The following ARHGAP42 variants were observed in gnomAD, a reference collection of about 807,000 sequenced individuals.
ARHGAP42 encodes the protein rho GTPase-activating protein 42.
In ARHGAP42, 63 loss-of-function variants were observed where a neutral mutation model predicts 125.0. The observed-to-expected ratio is 0.50, with a 90% CI of 0.41 to 0.62. The LOEUF (loss-of-function observed/expected upper bound fraction) is 0.62. Ranked by LOEUF, ARHGAP42 falls within the 20% of genes least tolerant of loss-of-function variation. ARHGAP42 has a pLI of 0.00. For missense variants in ARHGAP42, 766 were observed against 1,024.2 expected, an observed-to-expected ratio of 0.75 and a Z score of 3.44; for synonymous variants, 339 against 351.0, an observed-to-expected ratio of 0.97 and a Z score of 0.38.
chr11:100,747,432 A>G (rs976888425), intron 1 of ARHGAP42, among the ~76,000 whole-genome samples: 6 of 152,204 alleles, frequency 3.9e-5, no homozygotes, highest in African/African-American at 1.4e-4. Context: ...TCTGACCATA[A>G]GGTAAGATTT....
intron 17 of ARHGAP42, among the ~76,000 whole-genome samples, chr11:100,967,475 C>A (rs984527075): frequency 9.2e-5 from 14 of 151,970 alleles, no homozygotes; most frequent in African/African-American, 3.4e-4. Flanking sequence ...AAACGAAAAC[C>A]TTTTGATTTT....
chr11:100,859,561 A>G lies in ARHGAP42; in HGVS notation c.320A>G (p.Asn107Ser). The G allele has an allele frequency of 6.6e-7, 1 of 1,523,186 alleles. No individual in the cohort carries two copies. Among genetic ancestry groups the G allele is most frequent in the South Asian group, 1.3e-5 (1 of 77,318 alleles). The allele number at this position is 1,523,186 out of a possible 1,614,324, so 94.4% of individuals were successfully genotyped here. A position where few individuals can be genotyped will look rare whatever the true frequency, so the allele number is the denominator to read the frequency against. ...GTGCATTTTTTATTTCAGATCCAAA[A>G]CGCTAACGATGTATTAATTGCACCA... ...VEEERRRLIQNANDVLIAPLE... is the reference protein window; with the variant it reads ...VEEERRRLIQSANDVLIAPLE... The change falls in exon 4 of 24, where the codon AAC (asparagine) becomes AGC (serine). Residue 107 changes from asparagine to serine, a missense_variant. Physicochemically the swap from Asn to Ser is conservative, Grantham distance 46 (BLOSUM62 1). Coordinates refer to ENST00000298815, the MANE Select transcript of ARHGAP42 (RefSeq NM_152432.4).
At chr11:100,922,518 G>A (rs555906214) in intron 6 of ARHGAP42, among the ~76,000 whole-genome samples, 5 of 152,118 alleles carry the variant, frequency 3.3e-5, no homozygotes, top group Non-Finnish European at 4.4e-5. Context: ...CATGAGATCA[G>A]AGGATAGGGT....
intron 1 of ARHGAP42, among the ~76,000 whole-genome samples, chr11:100,758,693 TCTTA>T (rs1862630239): frequency 6.6e-6 from 1 of 152,194 alleles, no homozygotes; most frequent in Non-Finnish European, 1.5e-5. Context: ...TTTATCAAGC[TCTTA>T]CTATGTGCTG....
At chr11:100,799,709 T>C (rs1863807140) in intron 3 of ARHGAP42, among the ~76,000 whole-genome samples, 1 of 152,230 alleles carries the variant, frequency 6.6e-6, no homozygotes, top group Non-Finnish European at 1.5e-5. Flanking sequence ...ACCATAGTTA[T>C]AATTCTAGAA....
Position 100,949,920 on chromosome 11 carries a change from T to C in ARHGAP42, c.1126T>C (p.Tyr376His). Reference protein sequence around the residue: ...LEAMDGKEPIYTLPAIISKKE... With the variant: ...LEAMDGKEPIHTLPAIISKKE... ...ATGGACATCCTTTGTTTTTTAGATT[T>C]ATACTCTGCCTGCCATTATAAGCAA... Residue 376 changes from tyrosine to histidine, a missense_variant, in exon 12 of 24, where the codon TAT becomes CAT. Physicochemically the swap from Tyr to His is moderately conservative, Grantham distance 83 (BLOSUM62 2). Transcript: ENST00000298815. The C allele has an allele frequency of 6.8e-7, 1 of 1,477,326 alleles. No homozygotes were observed. The highest frequency in any genetic ancestry group is 9.2e-7 in the Non-Finnish European group (1 of 1,089,170). The allele number at this position is 1,477,326 out of a possible 1,614,324, so 91.5% of individuals were successfully genotyped here.
chr11:100,761,797 G>T (rs1384385628), intron 1 of ARHGAP42, among the ~76,000 whole-genome samples: 2 of 152,134 alleles, frequency 1.3e-5, no homozygotes, highest in African/African-American at 4.8e-5. Context: ...ATAAATAATG[G>T]TTTAATAGTT....
Position 100,722,663 on chromosome 11 carries a change from A to G in ARHGAP42, c.154+34831A>G, listed in dbSNP as rs1262188096. Among the ~76,000 whole-genome samples, 3 of 152,208 alleles carry G rather than the reference A, an allele frequency of 2.0e-5. No individual in the cohort carries two copies. In the East Asian group the frequency reaches 5.8e-4, roughly 29 times the overall value. On this transcript the variant is annotated intron_variant, in intron 1 of 23. Transcript: ENST00000298815. ...CTTGGCCTCCTAAAATGCTGGGATT[A>G]CAGGCGCAAGCCACCGCGCAAATTT... is the stretch of plus-strand genomic sequence containing the variant.
rs199984732 is a variant in ARHGAP42 at position 100,818,756 on chromosome 11, TTTTG to T, written c.312+23618_312+23621del. 9.5e-4 allele frequency among the ~76,000 whole-genome samples: 144 copies of T among 152,186 alleles called. 1 individual carries two copies. The highest frequency in any genetic ancestry group is 6.2e-3 in the East Asian group (32 of 5,180). On this transcript the variant is annotated intron_variant, in intron 3 of 23. Coordinates refer to ENST00000298815, the MANE Select transcript of ARHGAP42 (RefSeq NM_152432.4). ...GTGGTACGGTGTATTTTTTCTCTGT[TTTTG>T]TTTGTTTGTTTGTTTGTTTGTTTGT...
At position 100,815,038 on chromosome 11, in the gene ARHGAP42, C is replaced by T. The variant is rs11224465; in HGVS notation, c.312+19872C>T. ...CTTGGGCCCTCTAAAACAAGTGCTC[C>T]CTCTTATGGTGTCCAGTACTTTTTC... On this transcript the variant is annotated intron_variant, in intron 3 of 23. Coordinates refer to ENST00000298815, the MANE Select transcript of ARHGAP42 (RefSeq NM_152432.4). Among the ~76,000 whole-genome samples, 431 of 152,292 alleles carry T rather than the reference C, an allele frequency of 2.8e-3. 2 individuals are homozygous for T. Among genetic ancestry groups the T allele is most frequent in the African/African-American group, 0.01 (417 of 41,556 alleles).
intron 1 of ARHGAP42, among the ~76,000 whole-genome samples, chr11:100,708,342 T>C (rs1469749206): frequency 6.6e-6 from 1 of 151,984 alleles, no homozygotes; most frequent in Non-Finnish European, 1.5e-5. Context: ...CGAGACCCCA[T>C]CTCTACAAAA....
rs1321669164 is a variant in ARHGAP42 at position 100,992,262 on chromosome 11, T to C, written c.*3461T>C. ...GAGGCAGACCAATTTAGGGAACAGA[T>C]TTTGTTCTTTGCTTTTATGATACAT... On this transcript the variant is annotated 3_prime_UTR_variant, in exon 24 of 24. Coordinates refer to ENST00000298815, the MANE Select transcript of ARHGAP42 (RefSeq NM_152432.4). 2 of 1,537,674 alleles carry C rather than the reference T, an allele frequency of 1.3e-6. No homozygotes were observed. Among genetic ancestry groups the C allele is most frequent in the African/African-American group, 1.4e-5 (1 of 72,222 alleles).
chr11:100,925,674 G>T (rs1052891610), intron 6 of ARHGAP42, among the ~76,000 whole-genome samples: 4 of 152,210 alleles, frequency 2.6e-5, no homozygotes, highest in African/African-American at 7.2e-5. Flanking sequence ...GGAGGCAGAG[G>T]TTGCAGTGAT....
chr11:100,942,145 C>T (rs1242323517), intron 9 of ARHGAP42, among the ~76,000 whole-genome samples: 1 of 152,134 alleles, frequency 6.6e-6, no homozygotes, highest in Non-Finnish European at 1.5e-5. Context: ...GAGGTGTCAT[C>T]TCACATTTCC....
chr11:100,691,608 C>T (rs1861192102), intron 1 of ARHGAP42, among the ~76,000 whole-genome samples: 3 of 152,130 alleles, frequency 2.0e-5, no homozygotes, highest in Non-Finnish European at 4.4e-5. Flanking sequence ...CTCTACCTCC[C>T]AGGCTCAGGT....
chr11:100,700,699 A>C (rs996581900), intron 1 of ARHGAP42, among the ~76,000 whole-genome samples: 1 of 152,230 alleles, frequency 6.6e-6, no homozygotes, highest in Non-Finnish European at 1.5e-5. Flanking sequence ...TCACATCTTT[A>C]GGCTCTACTG....
chr11:100,814,357 G>A (rs1393243006), intron 3 of ARHGAP42, among the ~76,000 whole-genome samples: 9 of 92,480 alleles, frequency 9.7e-5, no homozygotes, highest in South Asian at 4.5e-4. Context: ...GCAAGACTCC[G>A]TCTCAAAAAA....
At chr11:100,716,212 C>A (rs1861658157) in intron 1 of ARHGAP42, among the ~76,000 whole-genome samples, 1 of 152,068 alleles carries the variant, frequency 6.6e-6, no homozygotes, top group South Asian at 2.1e-4. Flanking sequence ...GGTTTCTGCC[C>A]CTTGAATTGT....
chr11:100,961,031 T>C, intron 14 of ARHGAP42, 42 bp downstream of exon 14: 1 of 1,387,964 alleles, frequency 7.2e-7, no homozygotes, highest in Non-Finnish European at 9.8e-7. Context: ...TTTGTGTTCT[T>C]ATAGGTAATC....
Sources: gnomAD v4.1 joint callset for allele counts (sites outside exome capture counted in the v4.1 genomes callset) on GRCh38, gnomAD v4.1.1 for gene constraint, MANE v1.5 for transcripts, NCBI Gene and HGNC (gene_info 2026-07-23, HGNC 2026-07-21) for gene names.